Variants in ZDHHC20 observed in about 807,000 individuals in gnomAD.
ZDHHC20 encodes the protein zDHHC palmitoyltransferase 20.
A neutral mutation model predicts 57.8 loss-of-function variants in ZDHHC20; 43 were observed. That is an observed-to-expected ratio of 0.74 (90% CI 0.58 to 0.96). The LOEUF (loss-of-function observed/expected upper bound fraction) is 0.96, where lower values mean the gene tolerates loss of function less well. Ranked by LOEUF, ZDHHC20 falls within the 40% of genes least tolerant of loss-of-function variation. The probability of loss-of-function intolerance (pLI) is 0.00; values close to 1 mark genes in which losing one functional copy is unlikely to be tolerated. For missense variants in ZDHHC20, 391 were observed against 441.1 expected, an observed-to-expected ratio of 0.89 and a Z score of 1.02; for synonymous variants, 157 against 153.0, an observed-to-expected ratio of 1.03 and a Z score of -0.19.
chr13:21,398,443 A>G (rs542192826), intron 7 of ZDHHC20, among the ~76,000 whole-genome samples: 6 of 151,668 alleles, frequency 4.0e-5, no homozygotes, highest in Non-Finnish European at 7.4e-5. Flanking sequence ...CAGCCTGGGC[A>G]ACAGAGCGAG....
At chr13:21,402,054 G>A (rs537853002) in intron 5 of ZDHHC20, among the ~76,000 whole-genome samples, 43 of 152,172 alleles carry the variant, frequency 2.8e-4, no homozygotes, top group Non-Finnish European at 5.4e-4. Flanking sequence ...GGCTGACATA[G>A]TGAGACCCTG....
At chr13:21,458,943 C>CCCGGCGT in intron 1 of ZDHHC20, 111 bp downstream of exon 1, 1 of 775,050 alleles carries the variant, frequency 1.3e-6, no homozygotes, top group Non-Finnish European at 1.9e-6. Flanking sequence ...GGGCCGGACG[C>CCCGGCGT]CCGGCGTCCG....
intron 1 of ZDHHC20, among the ~76,000 whole-genome samples, chr13:21,445,526 G>C (rs973752158): frequency 3.9e-5 from 6 of 152,142 alleles, no homozygotes; most frequent in African/African-American, 1.2e-4. Flanking sequence ...ATTCAAGACA[G>C]TTTCCTCACC....
Position 21,378,734 on chromosome 13 carries a change from TG to T in ZDHHC20, c.1064del (p.Thr355LysfsTer5). On this transcript the variant is annotated frameshift_variant, in exon 12 of 13. Coordinates refer to ENST00000400590, the MANE Select transcript of ZDHHC20 (RefSeq NM_001330059.2). LOFTEE classifies it high-confidence loss of function. Reference protein sequence around the residue: ...GAEEGIVKSGTNNHVTVAIEN With the variant: ...GAEEGIVKSGXNNHVTVAIEN Reference sequence around the variant, plus strand: ...CTATTGCCACTGTTACATGGTTATTTGTCCCTGTAAGCATATAATTATATAT... The same window carrying T: ...CTATTGCCACTGTTACATGGTTATTTTCCCTGTAAGCATATAATTATATAT... The T allele has an allele frequency of 6.9e-7, 1 of 1,458,506 alleles. No homozygotes were observed. The highest frequency in any genetic ancestry group is 2.5e-5 in the East Asian group (1 of 39,578). The allele number at this position is 1,458,506 out of a possible 1,614,324, so 90.3% of individuals were successfully genotyped here. A position where few individuals can be genotyped will look rare whatever the true frequency, so the allele number is the denominator to read the frequency against.
intron 10 of ZDHHC20, among the ~76,000 whole-genome samples, chr13:21,382,479 G>GA (rs1457323892): frequency 6.6e-6 from 1 of 151,920 alleles, no homozygotes; most frequent in Non-Finnish European, 1.5e-5. Flanking sequence ...ATGAATTAAT[G>GA]AAAAAAATTT....
intron 1 of ZDHHC20, among the ~76,000 whole-genome samples, chr13:21,431,987 T>C (rs1263263511): frequency 2.0e-5 from 3 of 152,156 alleles, no homozygotes; most frequent in East Asian, 3.8e-4. Context: ...TTTTTTCTTT[T>C]ATCATTCATG....
intron 1 of ZDHHC20, among the ~76,000 whole-genome samples, chr13:21,431,370 A>T (rs1311676499): frequency 1.3e-5 from 2 of 152,240 alleles, no homozygotes. Flanking sequence ...CACCCCCATG[A>T]TTCAAATTAT....
intron 10 of ZDHHC20, 49 bp downstream of exon 10, chr13:21,382,871 C>T (rs550710193): frequency 1.6e-5 from 23 of 1,421,642 alleles, no homozygotes; most frequent in South Asian, 7.4e-5. Flanking sequence ...CACATGTATA[C>T]GGTTTGCTTT....
At chr13:21,445,853 C>T (rs1057043093) in intron 1 of ZDHHC20, among the ~76,000 whole-genome samples, 3 of 152,114 alleles carry the variant, frequency 2.0e-5, no homozygotes, top group East Asian at 1.9e-4. Flanking sequence ...GACTAAAAGA[C>T]GAAGTACTTC....
chr13:21,458,605 G>A (rs1885117388), intron 1 of ZDHHC20, among the ~76,000 whole-genome samples: 1 of 152,142 alleles, frequency 6.6e-6, no homozygotes, highest in Non-Finnish European at 1.5e-5. Flanking sequence ...ACAGGTAACA[G>A]GCGTTTCTTC....
chr13:21,413,793 A>G, intron 3 of ZDHHC20, 21 bp from the exon 4 acceptor site: 7 of 1,586,814 alleles, frequency 4.4e-6, no homozygotes, highest in Non-Finnish European at 6.0e-6. Flanking sequence ...AAAGAGGACT[A>G]TTAAATTTTT....
chr13:21,447,308 C>T (rs1366705913), intron 1 of ZDHHC20, among the ~76,000 whole-genome samples: 1 of 150,310 alleles, frequency 6.7e-6, no homozygotes, highest in Non-Finnish European at 1.5e-5. Context: ...CTCCGTCTCC[C>T]TCTCCCTCTC....
At chr13:21,391,010 T>C (rs1236413008) in intron 8 of ZDHHC20, among the ~76,000 whole-genome samples, 1 of 152,126 alleles carries the variant, frequency 6.6e-6, no homozygotes, top group African/African-American at 2.4e-5. Flanking sequence ...CAAACTTCCT[T>C]AAAGCATGTA....
chr13:21,453,660 C>T (rs1884657915), intron 1 of ZDHHC20, among the ~76,000 whole-genome samples: 1 of 152,084 alleles, frequency 6.6e-6, no homozygotes, highest in Non-Finnish European at 1.5e-5. Flanking sequence ...AAATCAATAA[C>T]AGAAAGATAT....
intron 12 of ZDHHC20, among the ~76,000 whole-genome samples, 167 bp downstream of exon 12, chr13:21,378,494 A>G (rs1312941975): frequency 6.6e-6 from 1 of 152,234 alleles, no homozygotes; most frequent in African/African-American, 2.4e-5. Context: ...TATAAGGAAT[A>G]AGGAAAATGA....
intron 3 of ZDHHC20, among the ~76,000 whole-genome samples, chr13:21,417,828 T>C (rs903321824): frequency 2.0e-5 from 3 of 152,138 alleles, no homozygotes; most frequent in Non-Finnish European, 4.4e-5. Flanking sequence ...ATCCTCCTAA[T>C]AAAAGCTGTG....
chr13:21,414,228 CTTT>C (rs34795716), intron 3 of ZDHHC20, among the ~76,000 whole-genome samples: 23,550 of 140,674 alleles, frequency 0.17, 2,475 homozygotes, highest in Non-Finnish European at 0.26. Flanking sequence ...GCCAAGGAGT[CTTT>C]TTTTTTTTTT....
At position 21,376,556 on chromosome 13, in the gene ZDHHC20, T is replaced by TAA; in HGVS notation, c.*138_*139dup. ...GGAACTGTACAAAGGCTTTCCGTTTTAAAAAATATATCTTCTGTTATACTT... is the reference window on the plus strand; with the variant it reads ...GGAACTGTACAAAGGCTTTCCGTTTTAAAAAAAATATATCTTCTGTTATACTT... On this transcript the variant is annotated 3_prime_UTR_variant, in exon 13 of 13. Transcript: ENST00000400590. The TAA allele has an allele frequency of 9.5e-7, 1 of 1,053,580 alleles. No individual in the cohort carries two copies. Among genetic ancestry groups the TAA allele is most frequent in the South Asian group, 1.9e-5 (1 of 52,838 alleles). 65.3% of individuals were successfully genotyped at this position (1,053,580 alleles called of 1,614,324 possible).
chr13:21,377,688 T>C (rs1053064361), intron 12 of ZDHHC20: 1 of 207,482 alleles, frequency 4.8e-6, no homozygotes, highest in Non-Finnish European at 9.7e-6. Flanking sequence ...GTGCCTGTGA[T>C]CTGACTCCGT....
Sources: allele counts gnomAD v4.1 joint callset (sites outside exome capture counted in the v4.1 genomes callset), GRCh38; gene constraint gnomAD v4.1.1; transcripts MANE v1.5; gene names NCBI Gene and HGNC (gene_info 2026-07-23, HGNC 2026-07-21).